Variants in EYS observed in about 807,000 individuals in gnomAD.
The protein encoded by EYS is EGF-like photoreceptor maintenance factor, also known as protein eyes shut homolog.
Under a neutral mutation model 282.1 loss-of-function variants are expected in EYS, and 250 were observed. The observed-to-expected ratio is 0.89, with a 90% CI of 0.80 to 0.98. EYS has a LOEUF of 0.98. Among genes scored for constraint, EYS ranks in the 50% least tolerant of loss-of-function variants. The pLI is 0.00. For synonymous variants in EYS, 1,355 were observed against 1,282.9 expected (o/e 1.06, Z -1.20); for missense variants, 4,016 against 3,709.0 (o/e 1.08, Z -2.15).
chr6:65,052,160 CTA>C (rs1773289566), intron 13 of EYS, among the ~76,000 whole-genome samples: 1 of 151,406 alleles, frequency 6.6e-6, no homozygotes, highest in African/African-American at 2.4e-5. Flanking sequence ...ATAGTTATAA[CTA>C]TGTGAAAAAA....
intron 13 of EYS, among the ~76,000 whole-genome samples, chr6:65,055,194 G>A (rs75363508): frequency 0.025 from 3,796 of 152,026 alleles, 72 homozygotes; most frequent in Middle Eastern, 0.12. Context: ...TGTTGGCCAC[G>A]CTGGTCTAGA....
chr6:64,113,640 G>C (rs1773281556), intron 31 of EYS, among the ~76,000 whole-genome samples: 1 of 152,108 alleles, frequency 6.6e-6, no homozygotes, highest in Admixed American at 6.5e-5. Flanking sequence ...AGGACTAGAG[G>C]GTAAGGAATT....
At chr6:64,136,155 AAAC>A (rs1179690419) in intron 31 of EYS, among the ~76,000 whole-genome samples, 3 of 151,164 alleles carry the variant, frequency 2.0e-5, no homozygotes, top group East Asian at 3.9e-4. Flanking sequence ...AAAAAAAAAA[AAAC>A]CACCTTGTTT....
chr6:65,139,391 A>T lies in EYS; in HGVS notation c.2024-81664T>A, dbSNP rs74335312. Reference sequence around the variant, plus strand: ...AGTGGAATCTAAACAGTGAGTACCTATAGACACAAAGAAGGGAACAACAGA... The same window carrying T: ...AGTGGAATCTAAACAGTGAGTACCTTTAGACACAAAGAAGGGAACAACAGA... On this transcript the variant is annotated intron_variant, in intron 12 of 42. Transcript: ENST00000503581. 4.7e-3 allele frequency among the ~76,000 whole-genome samples: 713 copies of T among 152,200 alleles called. 5 individuals are homozygous for T. The highest frequency in any genetic ancestry group is 0.015 in the African/African-American group (629 of 41,562).
At chr6:63,804,790 A>G (rs1418974005) in intron 37 of EYS, among the ~76,000 whole-genome samples, 1 of 152,206 alleles carries the variant, frequency 6.6e-6, no homozygotes, top group Non-Finnish European at 1.5e-5. Context: ...GATCTAATAA[A>G]CCTTTTAAGA....
At chr6:63,747,530 A>G (rs1769239895) in intron 41 of EYS, among the ~76,000 whole-genome samples, 1 of 152,132 alleles carries the variant, frequency 6.6e-6, no homozygotes, top group Admixed American at 6.6e-5. Flanking sequence ...TGATCTGTCT[A>G]ATATTGACAG....
rs1004023794 is a variant in EYS, at chr6:65,495,870, G to A, written c.-209C>T. The A allele has an allele frequency of 6.4e-5, 11 of 171,390 alleles. No homozygotes were observed. The highest frequency in any genetic ancestry group is 1.1e-4 in the Non-Finnish European group (9 of 79,372). The allele number at this position is 171,390 out of a possible 1,614,324, so 10.6% of individuals were successfully genotyped here. ...AGCCAGCAACTTACTGCGGTCTTTTGTGTTTTCTCTTTACACCAAGCTTCA... is the reference window on the plus strand; with the variant it reads ...AGCCAGCAACTTACTGCGGTCTTTTATGTTTTCTCTTTACACCAAGCTTCA... On this transcript the variant is annotated 5_prime_UTR_variant, in exon 3 of 43. Transcript: ENST00000503581.
intron 2 of EYS, among the ~76,000 whole-genome samples, chr6:65,527,758 C>A (rs956978132): frequency 2.0e-5 from 3 of 152,174 alleles, no homozygotes; most frequent in African/African-American, 7.2e-5. Flanking sequence ...AAATGAAAGT[C>A]ATTCATCCAT....
rs982912992 is a variant in EYS, at chr6:63,984,273, A to T, written c.7055+110T>A. ...AGGTGATGCATAGAAAAACTTGAGA[A>T]TTCTGGACTTGTCATTTTCGTCTCT... On this transcript the variant is annotated intron_variant, in intron 35 of 42. Coordinates refer to ENST00000503581, the MANE Select transcript of EYS (RefSeq NM_001142800.2). 6.7e-6 allele frequency: 5 copies of T among 746,736 alleles called. No homozygotes were observed. The African/African-American group carries it at 7.2e-5, about 11-fold the overall frequency. 46.3% of individuals were successfully genotyped at this position (746,736 alleles called of 1,614,324 possible). A position where few individuals can be genotyped will look rare whatever the true frequency, so the allele number is the denominator to read the frequency against.
intron 22 of EYS, among the ~76,000 whole-genome samples, chr6:64,635,303 A>G (rs1165136897): frequency 6.6e-6 from 1 of 152,168 alleles, no homozygotes; most frequent in Admixed American, 6.6e-5. Flanking sequence ...TCCTAATTGA[A>G]TACCCTTTAT....
intron 19 of EYS, among the ~76,000 whole-genome samples, chr6:64,852,895 CT>C (rs1450206618): frequency 6.6e-6 from 1 of 152,124 alleles, no homozygotes; most frequent in African/African-American, 2.4e-5. Context: ...CCTACCAGAA[CT>C]GTAAGAAAAC....
chr6:64,366,933 G>A (rs567022810), intron 29 of EYS, among the ~76,000 whole-genome samples: 17 of 152,034 alleles, frequency 1.1e-4, no homozygotes, highest in Admixed American at 2.0e-4. Flanking sequence ...AATGTTCAGC[G>A]TTTAAGAAGA....
At chr6:65,548,347 AT>A (rs1412959695) in intron 2 of EYS, among the ~76,000 whole-genome samples, 2 of 152,206 alleles carry the variant, frequency 1.3e-5, no homozygotes, top group Admixed American at 1.3e-4. Flanking sequence ...TAGGTTATCA[AT>A]TATGGCAACT....
intron 1 of EYS, among the ~76,000 whole-genome samples, chr6:65,702,978 G>A (rs1769733608): frequency 6.6e-6 from 1 of 152,126 alleles, no homozygotes; most frequent in Non-Finnish European, 1.5e-5. Flanking sequence ...TCCACAATGT[G>A]AGTGAGCTTC....
intron 19 of EYS, among the ~76,000 whole-genome samples, chr6:64,864,250 C>T (rs941107159): frequency 6.6e-6 from 1 of 151,856 alleles, no homozygotes; most frequent in Admixed American, 6.6e-5. Context: ...TCCACTGTCC[C>T]CCTTGGTACT....
chr6:64,832,698 T>C (rs1280973969), intron 19 of EYS, among the ~76,000 whole-genome samples: 1 of 151,932 alleles, frequency 6.6e-6, no homozygotes, highest in African/African-American at 2.4e-5. Context: ...TTGGTGACAG[T>C]ATCATGGATA....
intron 18 of EYS, among the ~76,000 whole-genome samples, chr6:64,887,400 T>G (rs1434532590): frequency 6.6e-6 from 1 of 151,826 alleles, no homozygotes; most frequent in African/African-American, 2.4e-5. Flanking sequence ...CTGCACGTTG[T>G]GCACATGTAC....
At chr6:64,002,628 G>A (rs1182310041) in intron 33 of EYS, among the ~76,000 whole-genome samples, 2 of 152,164 alleles carry the variant, frequency 1.3e-5, no homozygotes, top group Admixed American at 6.5e-5. Flanking sequence ...TGACCAAACA[G>A]GGGAGGCACA....
chr6:65,084,218 T>C (rs1774303274), intron 12 of EYS, among the ~76,000 whole-genome samples: 1 of 152,126 alleles, frequency 6.6e-6, no homozygotes, highest in Non-Finnish European at 1.5e-5. Context: ...TCTGAAAACA[T>C]TCTTTTTCAC....
Sources: gnomAD v4.1 joint callset for allele counts (sites outside exome capture counted in the v4.1 genomes callset) on GRCh38, gnomAD v4.1.1 for gene constraint, MANE v1.5 for transcripts, NCBI Gene and HGNC (gene_info 2026-07-23, HGNC 2026-07-21) for gene names.